Variants in HIVEP1 observed in about 807,000 individuals in gnomAD.
HIVEP1 encodes the protein HIVEP zinc finger 1.
A neutral mutation model predicts 180.0 loss-of-function variants in HIVEP1; 36 were observed. The observed-to-expected ratio is 0.20, with a 90% CI of 0.15 to 0.26. The LOEUF is 0.26. Among genes scored for constraint, HIVEP1 ranks in the 10% least tolerant of loss-of-function variants. HIVEP1 has a pLI of 1.00. For synonymous variants in HIVEP1, 1,239 were observed against 1,239.0 expected (o/e 1.00, Z 0.00); for missense variants, 3,143 against 3,268.7 (o/e 0.96, Z 0.94).
At chr6:12,197,413 G>T in the HIVEP1 span, among the ~76,000 whole-genome samples, 1 of 152,008 alleles carries the variant, frequency 6.6e-6, no homozygotes, top group Non-Finnish European at 1.5e-5. Flanking sequence ...ACAAAAATTA[G>T]CCAGGTGTGG....
chr6:12,018,335 C>T (rs1767971211), intron 2 of HIVEP1, among the ~76,000 whole-genome samples: 1 of 152,236 alleles, frequency 6.6e-6, no homozygotes, highest in South Asian at 2.1e-4. Flanking sequence ...GGGGATCCCA[C>T]AGTGCAGCGG....
chr6:12,182,518 T>G, the HIVEP1 span, among the ~76,000 whole-genome samples: 1 of 152,066 alleles, frequency 6.6e-6, no homozygotes, highest in Non-Finnish European at 1.5e-5. Context: ...TGAAATCAGG[T>G]TTCATAGTGA....
chr6:12,164,077 A>G lies in HIVEP1; in HGVS notation c.7773A>G (p.Ala2591=). 1 of 1,614,186 alleles carries G rather than the reference A, an allele frequency of 6.2e-7. No individual in the cohort carries two copies. The part of the protein sequence containing the change: ...TQPKQTSVAS[A]NQVSRTESPQ... ...CCAAGCAGACTTCTGTAGCCAGCGC[A>G]AACCAGGTCAGCAGGACCGAGTCTC... The change falls in exon 9 of 9, where the codon GCA becomes GCG. Residue 2591 remains alanine (A), a synonymous_variant. Transcript: ENST00000379388.
chr6:12,010,478 A>G (rs1767212632), upstream of HIVEP1, among the ~76,000 whole-genome samples: 1 of 152,198 alleles, frequency 6.6e-6, no homozygotes, highest in Non-Finnish European at 1.5e-5. Context: ...AAAAACCTAG[A>G]CGTCGTTATG....
chr6:12,097,995 A>G (rs1157500259), intron 3 of HIVEP1, among the ~76,000 whole-genome samples: 1 of 152,138 alleles, frequency 6.6e-6, no homozygotes, highest in Non-Finnish European at 1.5e-5. Flanking sequence ...ATTTTATAGG[A>G]TGATTCATAG....
chr6:12,191,075 C>T, the HIVEP1 span, among the ~76,000 whole-genome samples: 1 of 152,020 alleles, frequency 6.6e-6, no homozygotes, highest in East Asian at 1.9e-4. Context: ...AAAAACAGCA[C>T]AGAAAAATAT....
chr6:12,041,911 G>A (rs1193826624), intron 2 of HIVEP1, among the ~76,000 whole-genome samples: 1 of 151,762 alleles, frequency 6.6e-6, no homozygotes, highest in Non-Finnish European at 1.5e-5. Context: ...CGCCCGCCTT[G>A]GCCTCCCAAA....
At chr6:12,196,603 G>A in the HIVEP1 span, among the ~76,000 whole-genome samples, 5 of 152,288 alleles carry the variant, frequency 3.3e-5, no homozygotes, top group Non-Finnish European at 7.4e-5. Context: ...GTTAGTTGTT[G>A]ACATAACTTC....
the HIVEP1 span, among the ~76,000 whole-genome samples, chr6:12,179,171 A>G: frequency 6.6e-6 from 1 of 152,162 alleles, no homozygotes; most frequent in Non-Finnish European, 1.5e-5. Flanking sequence ...TCAGGAGGTG[A>G]TGGGGTTTTA....
chr6:12,164,506 G>T lies in HIVEP1; in HGVS notation c.*45G>T. 1 of 1,437,934 alleles carries T rather than the reference G, an allele frequency of 7.0e-7. No individual in the cohort carries two copies. Among genetic ancestry groups the T allele is most frequent in the Non-Finnish European group, 9.4e-7 (1 of 1,068,106 alleles). 89.1% of individuals were successfully genotyped at this position (1,437,934 alleles called of 1,614,324 possible). A position where few individuals can be genotyped will look rare whatever the true frequency, so the allele number is the denominator to read the frequency against. The stretch of plus-strand genomic sequence containing the variant: ...GCTTTTTTTTTATATAACACTTAAA[G>T]GTTTCTTTGAAAACCCTCCTTTCCT... On this transcript the variant is annotated 3_prime_UTR_variant, in exon 9 of 9. Coordinates refer to ENST00000379388, the MANE Select transcript of HIVEP1 (RefSeq NM_002114.4).
intron 2 of HIVEP1, among the ~76,000 whole-genome samples, chr6:12,053,891 G>T (rs974670017): frequency 6.6e-6 from 1 of 152,096 alleles, no homozygotes. Context: ...TTTACTTAAG[G>T]TCATTATTTT....
At chr6:12,184,010 T>TAGACAGAC in the HIVEP1 span, among the ~76,000 whole-genome samples, 1 of 141,544 alleles carries the variant, frequency 7.1e-6, no homozygotes, top group Non-Finnish European at 1.5e-5. Context: ...GATAGATAGA[T>TAGACAGAC]AGATAGATAG....
At chr6:12,136,186 G>T (rs1330783040) in intron 7 of HIVEP1, among the ~76,000 whole-genome samples, 5 of 152,046 alleles carry the variant, frequency 3.3e-5, no homozygotes, top group African/African-American at 1.2e-4. Flanking sequence ...GTGAACACTT[G>T]ACCTTGATCA....
chr6:12,203,097 C>G, the HIVEP1 span, among the ~76,000 whole-genome samples: 1 of 152,210 alleles, frequency 6.6e-6, no homozygotes, highest in Non-Finnish European at 1.5e-5. Flanking sequence ...TGTGGTTGGA[C>G]TCTAAACTAT....
Position 12,156,707 on chromosome 6 carries a change from A to G in HIVEP1, c.6488-4732A>G, listed in dbSNP as rs557772299. Among the ~76,000 whole-genome samples the G allele has an allele frequency of 2.6e-5, 4 of 152,344 alleles. No homozygotes were observed. In the East Asian group the frequency reaches 7.7e-4, roughly 29 times the overall value. ...TTTAATTCTGTTTTCATGTAAAAAC[A>G]CACTCTGTATGGTTTCTACTGATTT... On this transcript the variant is annotated intron_variant, in intron 7 of 8. Coordinates refer to ENST00000379388, the MANE Select transcript of HIVEP1 (RefSeq NM_002114.4).
chr6:12,043,621 C>T (rs1769924933), intron 2 of HIVEP1, among the ~76,000 whole-genome samples: 1 of 152,156 alleles, frequency 6.6e-6, no homozygotes, highest in African/African-American at 2.4e-5. Context: ...CCTGCCTCAG[C>T]CTCCCAAAGT....
chr6:12,015,605 AAAG>A lies in HIVEP1; in HGVS notation c.-20_-18del. 6.2e-7 allele frequency: 1 copy of A among 1,609,914 alleles called. No individual in the cohort carries two copies. The highest frequency in any genetic ancestry group is 8.5e-7 in the Non-Finnish European group (1 of 1,177,818). The stretch of plus-strand genomic sequence containing the variant: ...CTTTATCTGCAGTTTTTAAGAAGAA[AAAG>A]AAGGCCCTGAGTCAAAGAAGATGCC... On this transcript the variant is annotated 5_prime_UTR_variant, in exon 2 of 9. Transcript: ENST00000379388.
the HIVEP1 span, among the ~76,000 whole-genome samples, chr6:12,190,610 T>G: frequency 6.6e-6 from 1 of 152,196 alleles, no homozygotes; most frequent in African/African-American, 2.4e-5. Context: ...GAGACCCTCC[T>G]TAGGCATCCA....
chr6:12,143,423 A>G (rs1759174574), intron 7 of HIVEP1, among the ~76,000 whole-genome samples: 1 of 152,242 alleles, frequency 6.6e-6, no homozygotes, highest in South Asian at 2.1e-4. Flanking sequence ...ACCCACAACC[A>G]ATATCATACT....
Sources: allele counts gnomAD v4.1 joint callset (sites outside exome capture counted in the v4.1 genomes callset), GRCh38; gene constraint gnomAD v4.1.1; transcripts MANE v1.5; gene names NCBI Gene and HGNC (gene_info 2026-07-23, HGNC 2026-07-21).